KAZN: variants seen among roughly 807,000 people sequenced by gnomAD.
KAZN encodes the protein kazrin, periplakin interacting protein, also known as kazrin.
Under a neutral mutation model 87.4 loss-of-function variants are expected in KAZN, and 40 were observed. The observed-to-expected ratio is 0.46, with a 90% CI of 0.36 to 0.60. The LOEUF (loss-of-function observed/expected upper bound fraction) is 0.60. KAZN is among the 20% of genes least tolerant of loss of function. KAZN has a pLI of 0.00. For synonymous variants in KAZN, 466 were observed against 458.3 expected, an observed-to-expected ratio of 1.02 and a Z score of -0.22; for missense variants, 898 against 1,073.9, an observed-to-expected ratio of 0.84 and a Z score of 2.29.
intron 1 of KAZN, among the ~76,000 whole-genome samples, chr1:14,139,733 C>A (rs1183694282): frequency 6.6e-6 from 1 of 152,186 alleles, no homozygotes; most frequent in Middle Eastern, 3.2e-3. Flanking sequence ...GGAGAGAATA[C>A]TGTTCCAGAA....
At chr1:14,369,158 A>G (rs895671085) in intron 2 of KAZN, among the ~76,000 whole-genome samples, 2 of 152,212 alleles carry the variant, frequency 1.3e-5, no homozygotes, top group African/African-American at 4.8e-5. Context: ...ACATTTCTAA[A>G]TGCAAAATAA....
chr1:14,543,674 T>G (rs1199606348), intron 2 of KAZN, among the ~76,000 whole-genome samples: 1 of 152,200 alleles, frequency 6.6e-6, no homozygotes. Flanking sequence ...CACAAGATTA[T>G]GAGTCTTGTG....
At chr1:14,120,704 A>G (rs1644734259) in intron 1 of KAZN, among the ~76,000 whole-genome samples, 1 of 152,174 alleles carries the variant, frequency 6.6e-6, no homozygotes. Flanking sequence ...CAGTGTTCTC[A>G]GGACAGTGGA....
At position 15,060,319 on chromosome 1, in the gene KAZN, C is replaced by A. The variant is rs200220006; in HGVS notation, c.1047+17C>A. 2 of 1,613,250 alleles carry A rather than the reference C, an allele frequency of 1.2e-6. No individual in the cohort carries two copies. The highest frequency in any genetic ancestry group is 1.7e-6 in the Non-Finnish European group (2 of 1,179,480). On this transcript the variant is annotated intron_variant, in intron 6 of 14. Coordinates refer to ENST00000376030, the MANE Select transcript of KAZN (RefSeq NM_201628.3). ...CTCTGCAACGTAAGGCCAGCAGCAG[C>A]GGGGCCTGGGCCCCTGGGCCCTGCC...
rs1234687638 is a variant in KAZN at position 14,514,382 on chromosome 1, A to AAT, written c.250-84601_250-84600insAT. Reference sequence around the variant, plus strand: ...ATATATATTTATATATATAATATATATATATTATATATATTTATATATATA... The same window carrying AAT: ...ATATATATTTATATATATAATATATAATTATATTATATATATTTATATATATA... On this transcript the variant is annotated intron_variant, in intron 2 of 16. Coordinates refer to the KAZN transcript ENST00000636203. 4.7e-3 allele frequency among the ~76,000 whole-genome samples: 105 copies of AAT among 22,236 alleles called. 11 individuals carry two copies. Among genetic ancestry groups the AAT allele is most frequent in the Admixed American group, 7.0e-3 (12 of 1,712 alleles). 14.6% of individuals were successfully genotyped at this position (22,236 alleles called of 152,430 possible).
chr1:14,695,537 G>T (rs1348853726), intron 1 of KAZN, among the ~76,000 whole-genome samples: 1 of 53,758 alleles, frequency 1.9e-5, no homozygotes, highest in Admixed American at 1.7e-4. Flanking sequence ...ATGGAGTCTT[G>T]CACTGTCACC....
chr1:14,360,908 C>A (rs1659449522), intron 2 of KAZN, among the ~76,000 whole-genome samples: 1 of 152,198 alleles, frequency 6.6e-6, no homozygotes, highest in Admixed American at 6.5e-5. Context: ...AGTCAGGATG[C>A]ACGGGGGTCA....
At chr1:13,904,397 A>T (rs1278298167) in intron 1 of KAZN, among the ~76,000 whole-genome samples, 1 of 152,128 alleles carries the variant, frequency 6.6e-6, no homozygotes, top group South Asian at 2.1e-4. Flanking sequence ...GGTTGTAGGG[A>T]TCAGGCCAGT....
chr1:14,408,932 A>G (rs1664083788), intron 2 of KAZN, among the ~76,000 whole-genome samples: 1 of 152,048 alleles, frequency 6.6e-6, no homozygotes, highest in East Asian at 1.9e-4. Flanking sequence ...TTTTATGGAG[A>G]TGGGGTCAGG....
chr1:14,188,119 A>G (rs1364284930), intron 2 of KAZN, among the ~76,000 whole-genome samples: 1 of 152,100 alleles, frequency 6.6e-6, no homozygotes, highest in Non-Finnish European at 1.5e-5. Context: ...CCCCATTTAG[A>G]TAACAGTTCA....
intron 1 of KAZN, among the ~76,000 whole-genome samples, chr1:14,047,877 GAAAA>G (rs377534581): frequency 7.9e-6 from 1 of 127,176 alleles, no homozygotes; most frequent in Admixed American, 8.0e-5. Context: ...AAAGAAAAAA[GAAAA>G]AAAAAAATAA....
intron 2 of KAZN, among the ~76,000 whole-genome samples, chr1:14,293,024 A>G (rs1475414702): frequency 6.6e-6 from 1 of 152,200 alleles, no homozygotes; most frequent in South Asian, 2.1e-4. Flanking sequence ...AGACTGAACT[A>G]ACATGCATGA....
At chr1:14,390,044 A>G (rs1662284585) in intron 2 of KAZN, among the ~76,000 whole-genome samples, 2 of 152,186 alleles carry the variant, frequency 1.3e-5, no homozygotes, top group African/African-American at 4.8e-5. Flanking sequence ...AAACCAAATA[A>G]GTACGTGGGC....
At chr1:13,894,976 A>G (rs987827134) in intron 1 of KAZN, among the ~76,000 whole-genome samples, 7 of 152,132 alleles carry the variant, frequency 4.6e-5, no homozygotes, top group Non-Finnish European at 8.8e-5. Context: ...AAACTGTGTG[A>G]TCTCAGGCAA....
intron 1 of KAZN, among the ~76,000 whole-genome samples, chr1:13,949,539 A>G (rs1483361049): frequency 1.1e-5 from 1 of 91,724 alleles, no homozygotes; most frequent in Non-Finnish European, 2.6e-5. Flanking sequence ...AGGTGTTTTT[A>G]GGGTGAGATT....
Position 14,599,787 on chromosome 1 carries a change from G to A in KAZN, c.226+564G>A, listed in dbSNP as rs1008882545. ...ATTGGAATCTATAGATGCAACAGTA[G>A]ATGCTCAGCTCAGCAGGGAGTTTAA... On this transcript the variant is annotated intron_variant, in intron 1 of 14. Coordinates refer to ENST00000376030, the MANE Select transcript of KAZN (RefSeq NM_201628.3). The surrounding 1 kb of genome is among the most constrained non-coding windows in gnomAD (Gnocchi z 4.4). Among the ~76,000 whole-genome samples, 17 of 152,308 alleles carry A rather than the reference G, an allele frequency of 1.1e-4. No homozygotes were observed. In the East Asian group the frequency reaches 3.1e-3, roughly 28 times the overall value.
At chr1:14,420,003 C>T (rs934769779) in intron 2 of KAZN, among the ~76,000 whole-genome samples, 3 of 152,164 alleles carry the variant, frequency 2.0e-5, no homozygotes, top group African/African-American at 4.8e-5. Context: ...TGCTTTTATT[C>T]CCTTATCTGG....
In KAZN at chr1:15,064,851, A is replaced by G. The variant is rs540139543; in HGVS notation, c.1099-779A>G. Among the ~76,000 whole-genome samples, 14 of 152,332 alleles carry G rather than the reference A, an allele frequency of 9.2e-5. No individual in the cohort carries two copies. The East Asian group carries it at 2.1e-3, about 23-fold the overall frequency. On this transcript the variant is annotated intron_variant, in intron 7 of 14. Coordinates refer to ENST00000376030, the MANE Select transcript of KAZN (RefSeq NM_201628.3). The stretch of plus-strand genomic sequence containing the variant: ...CTCCCTGTGGCCTCGCATCGTGGAC[A>G]TGACCACAGGCAGTGGCCGAGTGCA...
At position 14,381,445 on chromosome 1, in the gene KAZN, G is replaced by A. The variant is rs941886588; in HGVS notation, c.249+200853G>A. On this transcript the variant is annotated intron_variant, in intron 2 of 16. Coordinates refer to the KAZN transcript ENST00000636203. ...ATATTGAACAAAACACTAGAAAACC[G>A]ACTTCAACAACACATTAAAAAGACT... Among the ~76,000 whole-genome samples, 10 of 151,836 alleles carry A rather than the reference G, an allele frequency of 6.6e-5. No homozygotes were observed. In the South Asian group the frequency reaches 1.0e-3, roughly 16 times the overall value.
Sources: gnomAD v4.1 joint callset for allele counts (sites outside exome capture counted in the v4.1 genomes callset) on GRCh38, gnomAD v4.1.1 for gene constraint, Gnocchi (gnomAD v3.1) non-coding constraint, MANE v1.5 for transcripts, NCBI Gene and HGNC (gene_info 2026-07-23, HGNC 2026-07-21) for gene names.